CLYBL: variants seen among roughly 807,000 people sequenced by gnomAD.
The protein encoded by CLYBL is citramalyl-CoA lyase.
In CLYBL, 31 loss-of-function variants were observed where a neutral mutation model predicts 38.9. That is an observed-to-expected ratio of 0.80 (90% CI 0.60 to 1.08). The LOEUF is 1.08. Ranked by LOEUF, CLYBL falls within the 50% of genes least tolerant of loss-of-function variation. The pLI is 0.00. For missense variants in CLYBL, 434 were observed against 411.6 expected, an observed-to-expected ratio of 1.05 and a Z score of -0.47; for synonymous variants, 171 against 158.6, an observed-to-expected ratio of 1.08 and a Z score of -0.59.
chr13:99,631,503 C>T (rs1307110881), intron 1 of CLYBL, among the ~76,000 whole-genome samples: 5 of 152,008 alleles, frequency 3.3e-5, no homozygotes, highest in South Asian at 4.1e-4. Flanking sequence ...ATAGTAATGA[C>T]GTAGCTGTTA....
chr13:99,826,397 C>G (rs1314443810), intron 2 of CLYBL, among the ~76,000 whole-genome samples: 1 of 152,190 alleles, frequency 6.6e-6, no homozygotes, highest in Non-Finnish European at 1.5e-5. Flanking sequence ...AATCCACAGT[C>G]TCATGAGCCA....
chr13:99,781,155 A>G (rs924656858), intron 2 of CLYBL, among the ~76,000 whole-genome samples: 1 of 147,868 alleles, frequency 6.8e-6, no homozygotes, highest in Non-Finnish European at 1.5e-5. Context: ...TAAATTTTTT[A>G]TTATTTATTT....
chr13:99,648,931 A>T (rs909579810), intron 1 of CLYBL, among the ~76,000 whole-genome samples: 3 of 151,922 alleles, frequency 2.0e-5, no homozygotes. Context: ...TATTTCATTC[A>T]TACATTTAAC....
intron 4 of CLYBL, among the ~76,000 whole-genome samples, chr13:99,863,525 C>T (rs984179473): frequency 6.6e-6 from 1 of 152,186 alleles, no homozygotes; most frequent in Non-Finnish European, 1.5e-5. Context: ...TCAGTAATGT[C>T]TAGCAGAGAA....
chr13:99,811,666 G>A (rs1427526722), intron 2 of CLYBL, among the ~76,000 whole-genome samples: 1 of 152,044 alleles, frequency 6.6e-6, no homozygotes, highest in Non-Finnish European at 1.5e-5. Context: ...AGGTGCCACT[G>A]CCAGTCCCCA....
At chr13:99,748,225 C>T (rs552584843) in intron 1 of CLYBL, among the ~76,000 whole-genome samples, 4 of 151,668 alleles carry the variant, frequency 2.6e-5, no homozygotes, top group Non-Finnish European at 4.4e-5. Flanking sequence ...ACTAAAAATA[C>T]AAAAATTAGC....
intron 1 of CLYBL, among the ~76,000 whole-genome samples, chr13:99,658,475 G>T (rs2047361566): frequency 6.6e-6 from 1 of 152,290 alleles, no homozygotes; most frequent in East Asian, 1.9e-4. Context: ...GGCTGCCGGG[G>T]ACTCTGACTG....
chr13:99,636,938 A>G (rs1351600778), intron 1 of CLYBL, among the ~76,000 whole-genome samples: 2 of 152,058 alleles, frequency 1.3e-5, no homozygotes, highest in Admixed American at 1.3e-4. Context: ...GCAGTGGTGC[A>G]GTCTTGGCTC....
At chr13:99,612,299 A>G (rs577652115) in intron 1 of CLYBL, among the ~76,000 whole-genome samples, 8 of 138,874 alleles carry the variant, frequency 5.8e-5, no homozygotes, top group African/African-American at 2.1e-4. Flanking sequence ...CATCTTTATT[A>G]TTTCCTACCT....
At chr13:99,852,932 G>A (rs982179198) in intron 2 of CLYBL, among the ~76,000 whole-genome samples, 1 of 152,156 alleles carries the variant, frequency 6.6e-6, no homozygotes, top group Non-Finnish European at 1.5e-5. Flanking sequence ...AAAGTAAATT[G>A]CAGACAGCAG....
At chr13:99,870,825 T>C (rs1172650190) in intron 6 of CLYBL, 113 bp from the exon 7 acceptor site, 19 of 1,060,208 alleles carry the variant, frequency 1.8e-5, no homozygotes, top group Non-Finnish European at 2.1e-5. Flanking sequence ...AGTTTTAAAT[T>C]AGTTATTTAA....
chr13:99,691,154 A>G (rs1479135092), intron 1 of CLYBL, among the ~76,000 whole-genome samples: 1 of 152,190 alleles, frequency 6.6e-6, no homozygotes, highest in Non-Finnish European at 1.5e-5. Flanking sequence ...CCCTAGATGC[A>G]CTGATGGTAG....
intron 1 of CLYBL, among the ~76,000 whole-genome samples, chr13:99,732,180 T>G (rs565616801): frequency 6.7e-5 from 10 of 148,566 alleles, no homozygotes; most frequent in Admixed American, 4.0e-4. Flanking sequence ...TTTTTTTTTT[T>G]TTTTTTTTTT....
At chr13:99,719,595 C>T (rs1184054480) in intron 1 of CLYBL, among the ~76,000 whole-genome samples, 1 of 152,146 alleles carries the variant, frequency 6.6e-6, no homozygotes, top group Non-Finnish European at 1.5e-5. Flanking sequence ...CAACCTCCAC[C>T]TCCTGGGTTC....
At chr13:99,798,957 G>T (rs2050075559) in intron 2 of CLYBL, among the ~76,000 whole-genome samples, 1 of 152,164 alleles carries the variant, frequency 6.6e-6, no homozygotes, top group South Asian at 2.1e-4. Context: ...AACCCAGGAA[G>T]GGACTCTTCG....
chr13:99,636,764 C>T (rs893362222), intron 1 of CLYBL, among the ~76,000 whole-genome samples: 6 of 152,110 alleles, frequency 3.9e-5, no homozygotes, highest in South Asian at 2.1e-4. Context: ...GATGGTTCTA[C>T]GAGGGGTAAG....
chr13:99,699,697 A>AAAT (rs1344749193), intron 1 of CLYBL, among the ~76,000 whole-genome samples: 6 of 149,322 alleles, frequency 4.0e-5, no homozygotes, highest in Admixed American at 2.0e-4. Context: ...CGTCTCAAAA[A>AAAT]AAAAAATAAA....
At chr13:99,642,409 A>G (rs1594097673) in intron 1 of CLYBL, among the ~76,000 whole-genome samples, 1 of 138,316 alleles carries the variant, frequency 7.2e-6, no homozygotes, top group Admixed American at 7.4e-5. Context: ...TTTTATGATT[A>G]TTGTTATTAT....
chr13:99,836,517 C>T (rs2050938200), intron 2 of CLYBL, among the ~76,000 whole-genome samples: 1 of 152,170 alleles, frequency 6.6e-6, no homozygotes, highest in Non-Finnish European at 1.5e-5. Flanking sequence ...TGGACTTAAC[C>T]ATTGTCACAG....
Sources: gnomAD v4.1 joint callset for allele counts (sites outside exome capture counted in the v4.1 genomes callset) on GRCh38, gnomAD v4.1.1 for gene constraint, MANE v1.5 for transcripts, NCBI Gene and HGNC (gene_info 2026-07-23, HGNC 2026-07-21) for gene names.